UROC1: variants seen among roughly 807,000 people sequenced by gnomAD.
UROC1 encodes urocanate hydratase 1.
Under a neutral mutation model 89.5 loss-of-function variants are expected in UROC1, and 79 were observed. That is an observed-to-expected ratio of 0.88 (90% CI 0.74 to 1.06). UROC1 has a LOEUF of 1.06. Among genes scored for constraint, UROC1 ranks in the 50% least tolerant of loss-of-function variants. The pLI is 0.00. For missense variants in UROC1, 885 were observed against 907.8 expected (o/e 0.97, Z 0.32); for synonymous variants, 361 against 354.8 (o/e 1.02, Z -0.20).
In UROC1 at chr3:126,505,796, C is replaced by A; in HGVS notation, c.718G>T (p.Ala240Ser). ...CCAGAGGTGACAAAGACCTTCCCAG[C>A]CAAGTCCTCGATGCCCAGGTACCGA... ...ARRYLGIEDLAGKVFVTSGLG... is the reference protein window; with the variant it reads ...ARRYLGIEDLSGKVFVTSGLG... Residue 240 changes from alanine to serine, a missense_variant, in exon 8 of 20, where the codon GCT becomes TCT. Coordinates refer to ENST00000290868, the MANE Select transcript of UROC1 (RefSeq NM_144639.3). 6.2e-7 allele frequency: 1 copy of A among 1,613,954 alleles called. No individual in the cohort carries two copies. Among genetic ancestry groups the A allele is most frequent in the Non-Finnish European group, 8.5e-7 (1 of 1,180,024 alleles).
In UROC1 at chr3:126,488,183, C is replaced by T; in HGVS notation, c.1790+15G>A. On this transcript the variant is annotated intron_variant, in intron 18 of 19. Transcript: ENST00000290868. ...TCCACATCAGCCCACACCCTGTCCT[C>T]TGAAACCTTCTTACCAGCCCACGCC... 1 of 1,614,242 alleles carries T rather than the reference C, an allele frequency of 6.2e-7. No homozygotes were observed. Among genetic ancestry groups the T allele is most frequent in the South Asian group, 1.1e-5 (1 of 91,084 alleles).
At chr3:126,514,209 C>T (rs1007365689) in intron 1 of UROC1, among the ~76,000 whole-genome samples, 2 of 152,208 alleles carry the variant, frequency 1.3e-5, no homozygotes. Flanking sequence ...GGAAATGAAC[C>T]CTGTGGAGCT....
chr3:126,514,170 C>A (rs1035993326), intron 1 of UROC1, among the ~76,000 whole-genome samples: 2 of 152,222 alleles, frequency 1.3e-5, no homozygotes, highest in Non-Finnish European at 2.9e-5. Flanking sequence ...ATTCATTCTG[C>A]AAACATCTGC....
chr3:126,483,407 TC>T lies in UROC1; in HGVS notation c.1851del (p.Arg618GlufsTer4). The T allele has an allele frequency of 6.2e-7, 1 of 1,613,662 alleles. No individual in the cohort carries two copies. Among genetic ancestry groups the T allele is most frequent in the Non-Finnish European group, 8.5e-7 (1 of 1,180,028 alleles). ...TCCCAGCTGAGCATCAGCCTGGCTC[TC>T]CCCTCGGCCTCCGGGGTACCGTCCA... ...LVLDGTPEAE[G>X]RARLMLSWDV... On this transcript the variant is annotated frameshift_variant, in exon 19 of 20. Coordinates refer to ENST00000290868, the MANE Select transcript of UROC1 (RefSeq NM_144639.3). LOFTEE classifies it high-confidence loss of function.
At chr3:126,506,734 C>A (rs996443089) in intron 6 of UROC1, among the ~76,000 whole-genome samples, 1 of 152,146 alleles carries the variant, frequency 6.6e-6, no homozygotes, top group African/African-American at 2.4e-5. Flanking sequence ...GAATCTAGGA[C>A]GTAAGAGGGA....
rs550210141 is a variant in UROC1 at position 126,505,630 on chromosome 3, G to T, written c.813+71C>A. 448 of 1,518,340 alleles carry T rather than the reference G, an allele frequency of 3.0e-4. 10 individuals carry two copies. In the South Asian group the frequency reaches 4.8e-3, roughly 16 times the overall value. The allele number at this position is 1,518,340 out of a possible 1,614,324, so 94.1% of individuals were successfully genotyped here. A position where few individuals can be genotyped will look rare whatever the true frequency, so the allele number is the denominator to read the frequency against. On this transcript the variant is annotated intron_variant, in intron 8 of 19. Coordinates refer to ENST00000290868, the MANE Select transcript of UROC1 (RefSeq NM_144639.3). ...GGGGTCTGTGGTGTAAGTGATCCGG[G>T]AGGAAGAAGGGAGGGAGGGAGGGAG...
At chr3:126,514,377 T>A (rs1237217346) in intron 1 of UROC1, among the ~76,000 whole-genome samples, 2 of 152,128 alleles carry the variant, frequency 1.3e-5, no homozygotes, top group African/African-American at 2.4e-5. Context: ...TGGGGGTAGG[T>A]ACTGAGGACA....
chr3:126,483,606 G>A, intron 18 of UROC1, 138 bp from the exon 19 acceptor site: 3 of 773,222 alleles, frequency 3.9e-6, no homozygotes, highest in Non-Finnish European at 6.5e-6. Flanking sequence ...TCTGCAACCT[G>A]GTGGATGCAG....
chr3:126,495,370 T>C (rs112402760), intron 15 of UROC1, among the ~76,000 whole-genome samples: 160 of 152,322 alleles, frequency 1.1e-3, no homozygotes, highest in African/African-American at 3.7e-3. Context: ...TTGACTGCTC[T>C]AGGGACCTCA....
At chr3:126,511,045 A>G (rs1003210963) in intron 1 of UROC1, among the ~76,000 whole-genome samples, 4 of 151,996 alleles carry the variant, frequency 2.6e-5, no homozygotes. Context: ...GCTTACGGTG[A>G]ACCATCTCCT....
chr3:126,510,583 T>C, intron 2 of UROC1, 81 bp downstream of exon 2: 2 of 1,584,870 alleles, frequency 1.3e-6, no homozygotes, highest in Non-Finnish European at 1.7e-6. Flanking sequence ...GACTCCCTCC[T>C]TGTTCCTGGC....
At chr3:126,491,991 A>C (rs1303515992) in intron 16 of UROC1, among the ~76,000 whole-genome samples, 3 of 151,952 alleles carry the variant, frequency 2.0e-5, no homozygotes. Flanking sequence ...CAGACACCTC[A>C]CCCAATCCCA....
intron 16 of UROC1, 22 bp from the exon 17 acceptor site, chr3:126,489,397 C>T (rs754475703): frequency 6.2e-7 from 1 of 1,604,250 alleles, no homozygotes; most frequent in Non-Finnish European, 8.5e-7. Context: ...AGGACAGAAG[C>T]TGTCAGCCAA....
chr3:126,504,375 G>A (rs1006199182), intron 8 of UROC1, among the ~76,000 whole-genome samples: 1 of 152,156 alleles, frequency 6.6e-6, no homozygotes, highest in Non-Finnish European at 1.5e-5. Flanking sequence ...CTCCCTTGCA[G>A]ATAAGAACAT....
chr3:126,503,819 G>T (rs552152423), intron 9 of UROC1, among the ~76,000 whole-genome samples, 176 bp downstream of exon 9: 1 of 151,698 alleles, frequency 6.6e-6, no homozygotes, highest in Non-Finnish European at 1.5e-5. Context: ...CCTTGTGTGC[G>T]TGTGTGTGTG....
chr3:126,505,591 G>C, intron 8 of UROC1, 110 bp downstream of exon 8: 1 of 1,512,584 alleles, frequency 6.6e-7, no homozygotes, highest in Non-Finnish European at 8.9e-7. Flanking sequence ...CCTGGGCAAG[G>C]AAGGATGAGA....
chr3:126,503,972 C>T (rs376153271), intron 9 of UROC1, 23 bp downstream of exon 9: 129 of 1,613,614 alleles, frequency 8.0e-5, no homozygotes, highest in Non-Finnish European at 1.0e-4. Flanking sequence ...GTCAGGTGTC[C>T]GGAGTTGAGC....
At chr3:126,508,539 G>A (rs1429886073) in intron 3 of UROC1, 64 bp from the exon 4 acceptor site, 2 of 1,389,412 alleles carry the variant, frequency 1.4e-6, no homozygotes, top group Non-Finnish European at 2.0e-6. Context: ...TTGCAGACAG[G>A]GAGAGAAAGG....
At chr3:126,488,408 G>T in intron 17 of UROC1, 129 bp from the exon 18 acceptor site, 1 of 943,766 alleles carries the variant, frequency 1.1e-6, no homozygotes, top group South Asian at 1.3e-5. Flanking sequence ...TAGGCCCTAG[G>T]GACAGGGCCT....
Sources: allele counts gnomAD v4.1 joint callset (sites outside exome capture counted in the v4.1 genomes callset), GRCh38; gene constraint gnomAD v4.1.1; transcripts MANE v1.5; gene names NCBI Gene and HGNC (gene_info 2026-07-23, HGNC 2026-07-21).